EEA1: variants seen among roughly 807,000 people sequenced by gnomAD.
EEA1 encodes the protein early endosome antigen 1, also known as early endosome antigen 1, 162kD.
Under a neutral mutation model 209.2 loss-of-function variants are expected in EEA1, and 111 were observed. The ratio of observed to expected loss-of-function variants is 0.53; its 90% confidence interval spans 0.45 to 0.62. The LOEUF (loss-of-function observed/expected upper bound fraction) is 0.62, where lower values mean the gene tolerates loss of function less well. EEA1 is among the 20% of genes least tolerant of loss of function. EEA1 has a pLI of 0.00. For synonymous variants in EEA1, 536 were observed against 540.6 expected (o/e 0.99, Z 0.12); for missense variants, 1,343 against 1,530.8 (o/e 0.88, Z 2.05).
intron 5 of EEA1, among the ~76,000 whole-genome samples, chr12:92,855,378 C>T (rs1179072072): frequency 4.0e-5 from 6 of 150,164 alleles, no homozygotes; most frequent in African/African-American, 1.2e-4. Flanking sequence ...TGCAGTGAGC[C>T]GAGATCGCGC....
chr12:92,912,891 G>A (rs1322013349), intron 1 of EEA1, among the ~76,000 whole-genome samples: 2 of 152,168 alleles, frequency 1.3e-5, no homozygotes, highest in African/African-American at 4.8e-5. Flanking sequence ...TTTTATGGCT[G>A]AGCAGTATTC....
At chr12:92,908,138 A>C (rs2136773592) in intron 1 of EEA1, among the ~76,000 whole-genome samples, 1 of 152,388 alleles carries the variant, frequency 6.6e-6, no homozygotes, top group African/African-American at 2.4e-5. Flanking sequence ...ATGAAATATT[A>C]TTCAGCCTTT....
rs1881341848 is a variant in EEA1 at position 92,929,284 on chromosome 12, G to C, written c.-218C>G. 2.4e-6 allele frequency: 1 copy of C among 410,110 alleles called. No individual in the cohort carries two copies. The highest frequency in any genetic ancestry group is 4.3e-6 in the Non-Finnish European group (1 of 231,808). 25.4% of individuals were successfully genotyped at this position (410,110 alleles called of 1,614,324 possible). ...GAGCGAGCGAACGACTAGGCAGCCTGCGAGCGCCTCCAGCCCGCCCGCCGG... is the reference window on the plus strand; with the variant it reads ...GAGCGAGCGAACGACTAGGCAGCCTCCGAGCGCCTCCAGCCCGCCCGCCGG... On this transcript the variant is annotated 5_prime_UTR_variant, in exon 1 of 29. Coordinates refer to ENST00000322349, the MANE Select transcript of EEA1 (RefSeq NM_003566.4).
At chr12:92,787,598 C>A (rs1874188098) in intron 22 of EEA1, among the ~76,000 whole-genome samples, 1 of 152,060 alleles carries the variant, frequency 6.6e-6, no homozygotes. Context: ...GTTATTCACA[C>A]ACAAAGACAG....
At chr12:92,835,867 T>C (rs1876909061) in intron 10 of EEA1, among the ~76,000 whole-genome samples, 1 of 152,234 alleles carries the variant, frequency 6.6e-6, no homozygotes, top group Non-Finnish European at 1.5e-5. Flanking sequence ...CCACTTTCTT[T>C]CTTTTTAAAA....
chr12:92,851,173 G>A lies in EEA1; in HGVS notation c.736C>T (p.Arg246Ter). 6 of 1,613,658 alleles carry A rather than the reference G, an allele frequency of 3.7e-6. No individual in the cohort carries two copies. Among genetic ancestry groups the A allele is most frequent in the Non-Finnish European group, 5.1e-6 (6 of 1,179,876 alleles). ...LMDNMTLERERESEKLKDECK... is the reference protein window; with the variant it reads ...LMDNMTLERE ...TCATCTTTGAGTTTTTCAGATTCTC[G>A]CTCACGTTCCAAGGTCATGTTATCC... The change falls in exon 9 of 29, where the codon CGA becomes TGA. Residue 246 changes from arginine to a stop codon, truncating the protein, a stop_gained. Transcript: ENST00000322349. LOFTEE classifies it high-confidence loss of function.
chr12:92,825,341 C>G (rs1488917528), intron 13 of EEA1, among the ~76,000 whole-genome samples: 1 of 152,066 alleles, frequency 6.6e-6, no homozygotes, highest in Non-Finnish European at 1.5e-5. Context: ...GTCCCAGCTA[C>G]TACCCGGGAG....
At chr12:92,886,082 A>T (rs1057460597) in intron 2 of EEA1, among the ~76,000 whole-genome samples, 4 of 152,114 alleles carry the variant, frequency 2.6e-5, no homozygotes, top group Non-Finnish European at 5.9e-5. Context: ...TGCTATAAAC[A>T]TTACCAGACA....
At chr12:92,804,066 G>C (rs1875065638) in intron 18 of EEA1, among the ~76,000 whole-genome samples, 1 of 151,888 alleles carries the variant, frequency 6.6e-6, no homozygotes, top group African/African-American at 2.4e-5. Flanking sequence ...TTTAGAAACT[G>C]ATAGAACAAC....
At chr12:92,830,006 G>T in intron 11 of EEA1, among the ~76,000 whole-genome samples, 1 of 134,738 alleles carries the variant, frequency 7.4e-6, no homozygotes, top group African/African-American at 2.8e-5. Context: ...TTTTTAGGGA[G>T]AGTGTGGGGG....
At chr12:92,842,420 T>C (rs139014228) in intron 10 of EEA1, 45 bp downstream of exon 10, 4 of 924,776 alleles carry the variant, frequency 4.3e-6, no homozygotes, top group Non-Finnish European at 6.8e-6. Flanking sequence ...ATATTTAAAA[T>C]ACATAAAATC....
rs80129842 is a variant in EEA1, at chr12:92,840,687, C to G, written c.915+1778G>C. Among the ~76,000 whole-genome samples, 1,139 of 152,356 alleles carry G rather than the reference C, an allele frequency of 7.5e-3. 14 individuals are homozygous for G. The highest frequency in any genetic ancestry group is 0.025 in the African/African-American group (1,047 of 41,580). On this transcript the variant is annotated intron_variant, in intron 10 of 28. Transcript: ENST00000322349. ...ATACAAAACAAAGTTGAAGGCTTAT[C>G]TTCCTGATTTTAAAACTTATTACAA...
chr12:92,802,347 G>A (rs1205573155), intron 19 of EEA1, 57 bp downstream of exon 19: 1 of 1,440,834 alleles, frequency 6.9e-7, no homozygotes, highest in African/African-American at 1.5e-5. Context: ...AGAAAAATCA[G>A]TACATTTTAA....
intron 5 of EEA1, among the ~76,000 whole-genome samples, chr12:92,855,418 C>T (rs980626448): frequency 1.5e-5 from 2 of 137,700 alleles, no homozygotes; most frequent in Non-Finnish European, 3.0e-5. Flanking sequence ...GGTGACAGAG[C>T]GAGACTCTGT....
intron 1 of EEA1, among the ~76,000 whole-genome samples, chr12:92,894,544 G>A (rs1345342866): frequency 6.6e-6 from 1 of 152,112 alleles, no homozygotes; most frequent in Non-Finnish European, 1.5e-5. Flanking sequence ...ACAAATTGCT[G>A]AGAATGTTTT....
At chr12:92,828,608 C>CAT (rs1223863454) in intron 11 of EEA1, among the ~76,000 whole-genome samples, 2 of 140,524 alleles carry the variant, frequency 1.4e-5, no homozygotes, top group Admixed American at 7.0e-5. Context: ...TATATGTGTA[C>CAT]ATATATATAT....
intron 1 of EEA1, among the ~76,000 whole-genome samples, chr12:92,894,231 C>T (rs1361401908): frequency 3.9e-5 from 6 of 152,082 alleles, no homozygotes; most frequent in African/African-American, 9.7e-5. Flanking sequence ...CACTCACTGG[C>T]CATTTCCCAG....
intron 12 of EEA1, among the ~76,000 whole-genome samples, chr12:92,826,940 T>C (rs1234931189): frequency 6.6e-6 from 1 of 152,144 alleles, no homozygotes; most frequent in Non-Finnish European, 1.5e-5. Context: ...ATTTCTTTTA[T>C]TTTTTTCCTT....
chr12:92,915,767 C>T (rs913614672), intron 1 of EEA1, among the ~76,000 whole-genome samples: 2 of 152,184 alleles, frequency 1.3e-5, no homozygotes, highest in African/African-American at 4.8e-5. Flanking sequence ...GATGAATTCA[C>T]AGGATCTTCC....
Sources: gnomAD v4.1 joint callset for allele counts (sites outside exome capture counted in the v4.1 genomes callset) on GRCh38, gnomAD v4.1.1 for gene constraint, MANE v1.5 for transcripts, NCBI Gene and HGNC (gene_info 2026-07-23, HGNC 2026-07-21) for gene names.